MGAT5: variants seen among roughly 807,000 people sequenced by gnomAD.
MGAT5 encodes the protein alpha-1,6-mannosylglycoprotein 6-beta-N-acetylglucosaminyltransferase, also known as alpha-1,6-mannosylglycoprotein 6-beta-N-acetylglucosaminyltransferase A.
MGAT5 carries 30 observed loss-of-function variants against 94.3 expected under a neutral mutation model. That is an observed-to-expected ratio of 0.32 (90% CI 0.24 to 0.43). The LOEUF (loss-of-function observed/expected upper bound fraction) is 0.43, where lower values mean the gene tolerates loss of function less well. Among genes scored for constraint, MGAT5 ranks in the 20% least tolerant of loss-of-function variants. The pLI, the probability that MGAT5 is intolerant of heterozygous loss-of-function variation, is 1.00. For missense variants in MGAT5, 691 were observed against 905.5 expected, an observed-to-expected ratio of 0.76 and a Z score of 3.04; for synonymous variants, 310 against 322.9, an observed-to-expected ratio of 0.96 and a Z score of 0.43.
intron 12 of MGAT5, among the ~76,000 whole-genome samples, chr2:134,420,924 A>C (rs1000744656): frequency 7.9e-5 from 12 of 152,364 alleles, no homozygotes; most frequent in African/African-American, 2.9e-4. Flanking sequence ...TATACCAGGC[A>C]CTATGATGCC....
intron 1 of MGAT5, among the ~76,000 whole-genome samples, chr2:134,158,521 G>T (rs1432957065): frequency 6.6e-6 from 1 of 152,222 alleles, no homozygotes; most frequent in South Asian, 2.1e-4. Flanking sequence ...TCTAGGCAGC[G>T]AGAGCAGGCC....
chr2:134,418,746 C>T (rs1314833253), intron 12 of MGAT5, among the ~76,000 whole-genome samples: 1 of 152,130 alleles, frequency 6.6e-6, no homozygotes, highest in Admixed American at 6.6e-5. Flanking sequence ...GAAAAGGAGG[C>T]GAGCGGGTCT....
At chr2:134,270,665 C>T in intron 2 of MGAT5, 115 bp downstream of exon 2, 1 of 1,015,868 alleles carries the variant, frequency 9.8e-7, no homozygotes, top group African/African-American at 1.6e-5. Context: ...ATTCTATAAA[C>T]TTGGCATGGC....
rs533583882 is a variant in MGAT5, at chr2:134,124,302, T to C, written c.-143+4011T>C. On this transcript the variant is annotated intron_variant, in intron 1 of 16. Coordinates refer to the MGAT5 transcript ENST00000409645. Reference sequence around the variant, plus strand: ...GCTGTGTGTTTGCCCATTTGGACTGTTGTATTTATTTTTTTCATTGCCACA... The same window carrying C: ...GCTGTGTGTTTGCCCATTTGGACTGCTGTATTTATTTTTTTCATTGCCACA... Among the ~76,000 whole-genome samples the C allele has an allele frequency of 5.9e-5, 9 of 152,326 alleles. No individual in the cohort carries two copies. In the South Asian group the frequency reaches 1.9e-3, roughly 32 times the overall value.
At chr2:134,171,546 T>C (rs1430001279) in intron 1 of MGAT5, among the ~76,000 whole-genome samples, 2 of 152,196 alleles carry the variant, frequency 1.3e-5, no homozygotes, top group Admixed American at 1.3e-4. Flanking sequence ...GACAAATGCC[T>C]CTGGGTGTCG....
intron 14 of MGAT5, among the ~76,000 whole-genome samples, chr2:134,428,983 G>T (rs1430872450): frequency 6.6e-6 from 1 of 152,160 alleles, no homozygotes; most frequent in African/African-American, 2.4e-5. Flanking sequence ...ACTGCAGCAT[G>T]TGCTCCTAGA....
chr2:134,387,507 A>G (rs1007929981), intron 10 of MGAT5, among the ~76,000 whole-genome samples: 2 of 151,362 alleles, frequency 1.3e-5, no homozygotes, highest in African/African-American at 4.9e-5. Flanking sequence ...ACAGGAGTCT[A>G]TTCTACCTAA....
At chr2:134,215,100 A>G (rs148598569) in intron 1 of MGAT5, among the ~76,000 whole-genome samples, 119 of 152,312 alleles carry the variant, frequency 7.8e-4, no homozygotes, top group African/African-American at 2.7e-3. Flanking sequence ...GTTGCATGTA[A>G]TCATTCTCAT....
intron 1 of MGAT5, among the ~76,000 whole-genome samples, chr2:134,180,309 G>T (rs1045582471): frequency 2.0e-5 from 3 of 152,164 alleles, no homozygotes; most frequent in East Asian, 1.9e-4. Flanking sequence ...CTCTCTTGGG[G>T]TCTGTATTGG....
chr2:134,139,545 C>A (rs1349520185), intron 1 of MGAT5, among the ~76,000 whole-genome samples: 1 of 152,164 alleles, frequency 6.6e-6, no homozygotes, highest in East Asian at 1.9e-4. Context: ...CATGCAAACA[C>A]ACCCAGCGGA....
chr2:134,308,806 G>T (rs1295195720), intron 2 of MGAT5, among the ~76,000 whole-genome samples: 1 of 152,188 alleles, frequency 6.6e-6, no homozygotes, highest in African/African-American at 2.4e-5. Context: ...AGGCTGAGAT[G>T]GGAGGATGGC....
At chr2:134,424,745 A>G (rs539197013) in intron 13 of MGAT5, among the ~76,000 whole-genome samples, 1 of 152,216 alleles carries the variant, frequency 6.6e-6, no homozygotes, top group Non-Finnish European at 1.5e-5. Context: ...CAGCAGGGTC[A>G]TGGCCCACCC....
chr2:134,220,073 C>T (rs1223294874), intron 1 of MGAT5, among the ~76,000 whole-genome samples: 1 of 152,204 alleles, frequency 6.6e-6, no homozygotes, highest in Non-Finnish European at 1.5e-5. Flanking sequence ...GCAGCAAATG[C>T]ATGACATACG....
intron 13 of MGAT5, among the ~76,000 whole-genome samples, chr2:134,427,775 G>A (rs1223108111): frequency 1.3e-5 from 2 of 152,216 alleles, no homozygotes; most frequent in Non-Finnish European, 1.5e-5. Flanking sequence ...CTGACTTCTT[G>A]TGACACTTTA....
At chr2:134,203,682 T>C (rs1315737043) in intron 1 of MGAT5, among the ~76,000 whole-genome samples, 1 of 151,868 alleles carries the variant, frequency 6.6e-6, no homozygotes, top group Non-Finnish European at 1.5e-5. Context: ...TTGTGACTCT[T>C]GGGGGCCCAA....
At chr2:134,243,520 A>G (rs139576551) in intron 1 of MGAT5, among the ~76,000 whole-genome samples, 10 of 152,312 alleles carry the variant, frequency 6.6e-5, no homozygotes, top group South Asian at 4.1e-4. Context: ...CATCTAACCA[A>G]TGATTTCTTC....
chr2:134,141,283 T>G (rs1292375825), intron 1 of MGAT5, among the ~76,000 whole-genome samples: 1 of 152,202 alleles, frequency 6.6e-6, no homozygotes, highest in East Asian at 1.9e-4. Context: ...AATAACCTAG[T>G]CTGTGGTATT....
At chr2:134,243,353 T>G (rs1013950721) in intron 1 of MGAT5, among the ~76,000 whole-genome samples, 11 of 152,144 alleles carry the variant, frequency 7.2e-5, no homozygotes, top group Non-Finnish European at 1.6e-4. Flanking sequence ...CAAGAAACTC[T>G]CCTGAGAAGC....
intron 1 of MGAT5, among the ~76,000 whole-genome samples, chr2:134,162,062 C>T (rs73007408): frequency 0.086 from 13,033 of 151,498 alleles, 1,295 homozygotes; most frequent in African/African-American, 0.24. Flanking sequence ...TGGTGGTGCA[C>T]GCCTGTAACT....
Sources: allele counts gnomAD v4.1 joint callset (sites outside exome capture counted in the v4.1 genomes callset), GRCh38; gene constraint gnomAD v4.1.1; transcripts MANE v1.5; gene names NCBI Gene and HGNC (gene_info 2026-07-23, HGNC 2026-07-21).